SRSF6: variants seen among roughly 807,000 people sequenced by gnomAD.
The protein encoded by SRSF6 is serine/arginine-rich splicing factor 6.
Under a neutral mutation model 42.0 loss-of-function variants are expected in SRSF6, and 17 were observed. The ratio of observed to expected loss-of-function variants is 0.40; its 90% CI spans 0.28 to 0.61. The LOEUF is 0.61. SRSF6 is among the 20% of genes least tolerant of loss of function. The pLI is 0.37. For missense variants in SRSF6, 379 were observed against 471.4 expected (o/e 0.80, Z 1.81); for synonymous variants, 204 against 166.7 (o/e 1.22, Z -1.72).
chr20:43,463,438 C>A lies in SRSF6; in HGVS notation c.*2375C>A, dbSNP rs1302354166. 6.5e-6 allele frequency: 1 copy of A among 154,408 alleles called. No homozygotes were observed. Among genetic ancestry groups the A allele is most frequent in the Non-Finnish European group, 1.5e-5 (1 of 68,208 alleles). 9.6% of individuals were successfully genotyped at this position (154,408 alleles called of 1,614,324 possible). A position where few individuals can be genotyped will look rare whatever the true frequency, so the allele number is the denominator to read the frequency against. ...AAAGAAGTGAGAACATCTTGATTCC[C>A]CTTTCTTTTACTTGATGGTGTTTAT... On this transcript the variant is annotated 3_prime_UTR_variant, in exon 6 of 6. Transcript: ENST00000244020.
chr20:43,459,459 A>T, intron 2 of SRSF6: 1 of 1,249,672 alleles, frequency 8.0e-7, no homozygotes, highest in Non-Finnish European at 1.0e-6. Context: ...ATTTTTGTAA[A>T]ATGTAGAAAT....
chr20:43,460,620 C>G (rs542038867), intron 5 of SRSF6, 22 bp downstream of exon 5: 2 of 1,613,894 alleles, frequency 1.2e-6, no homozygotes, highest in East Asian at 2.2e-5. Context: ...TGTGTTGAGT[C>G]ACTGTGAATA....
At chr20:43,459,102 G>T (rs1454062151) in intron 2 of SRSF6, 2 of 1,342,694 alleles carry the variant, frequency 1.5e-6, no homozygotes, top group Non-Finnish European at 2.0e-6. Flanking sequence ...TTAAATTGTT[G>T]CATGTTGAAT....
chr20:43,460,095 G>A lies in SRSF6; in HGVS notation c.444G>A (p.Glu148=). 3 of 1,614,236 alleles carry A rather than the reference G, an allele frequency of 1.9e-6. No homozygotes were observed. The highest frequency in any genetic ancestry group is 2.5e-6 in the Non-Finnish European group (3 of 1,180,044). The change falls in exon 4 of 6, where the codon GAG becomes GAA. Residue 148 remains glutamate, a synonymous_variant. Transcript: ENST00000244020. ...ATGCCCACAAGGAACGAACAAATGA[G>A]GGTGTAATTGAGTTTCGCTCCTACT... ...YADAHKERTN[E]GVIEFRSYSD... is the part of the protein sequence containing the mutation.
chr20:43,462,485 T>C lies in SRSF6; in HGVS notation c.*1422T>C, dbSNP rs1451124887. 6.6e-6 allele frequency: 1 copy of C among 151,922 alleles called. No individual in the cohort carries two copies. Among genetic ancestry groups the C allele is most frequent in the Non-Finnish European group, 1.5e-5 (1 of 67,984 alleles). 9.4% of individuals were successfully genotyped at this position (151,922 alleles called of 1,614,324 possible). A position where few individuals can be genotyped will look rare whatever the true frequency, so the allele number is the denominator to read the frequency against. On this transcript the variant is annotated 3_prime_UTR_variant, in exon 6 of 6. Coordinates refer to ENST00000244020, the MANE Select transcript of SRSF6 (RefSeq NM_006275.6). ...TCAGCTTTAATACCTTTCTAGGAGG[T>C]GTCACAATGTAGGGTACCAAGGGTT...
rs754991117 is a variant in SRSF6 at position 43,458,382 on chromosome 20, G to A, written c.129G>A (p.Glu43=). 26 of 1,560,622 alleles carry A rather than the reference G, an allele frequency of 1.7e-5. No individual in the cohort carries two copies. The highest frequency in any genetic ancestry group is 1.4e-5 in the African/African-American group (1 of 69,950). The change falls in exon 2 of 6, where the codon GAG becomes GAA. Residue 43 remains glutamate (E), a synonymous_variant. Transcript: ENST00000244020. The part of the protein sequence containing the change: ...LKNGYGFVEF[E]DSRDADDAVY... ...CTAGGTACGGCTTCGTGGAGTTCGA[G>A]GACTCCCGCGACGCCGACGACGCCG...
At position 43,463,140 on chromosome 20, in the gene SRSF6, G is replaced by A. The variant is rs2017632751; in HGVS notation, c.*2077G>A. 1 of 153,610 alleles carries A rather than the reference G, an allele frequency of 6.5e-6. No homozygotes were observed. Among genetic ancestry groups the A allele is most frequent in the South Asian group, 2.1e-4 (1 of 4,874 alleles). 9.5% of individuals were successfully genotyped at this position (153,610 alleles called of 1,614,324 possible). On this transcript the variant is annotated 3_prime_UTR_variant, in exon 6 of 6. Coordinates refer to ENST00000244020, the MANE Select transcript of SRSF6 (RefSeq NM_006275.6). ...GGTAATAGACTGGTTTGACTATATT[G>A]TTAGCTGCCACAGTAAGCAGGTCAT... is the stretch of plus-strand genomic sequence containing the variant.
chr20:43,458,165 C>T (rs1271526688), intron 1 of SRSF6, 25 bp downstream of exon 1: 2 of 1,602,566 alleles, frequency 1.2e-6, no homozygotes, highest in South Asian at 1.1e-5. Flanking sequence ...GGCGCCCGCG[C>T]CCAGCGTCCC....
Position 43,458,082 on chromosome 20 carries a change from G to A in SRSF6, c.49G>A (p.Asp17Asn). 2 of 1,613,538 alleles carry A rather than the reference G, an allele frequency of 1.2e-6. No homozygotes were observed. Among genetic ancestry groups the A allele is most frequent in the South Asian group, 2.2e-5 (2 of 91,054 alleles). Residue 17 changes from aspartate to asparagine, a missense_variant, in exon 1 of 6, where the codon GAC becomes AAC. By Grantham distance (23) the Asp-to-Asn change is conservative (BLOSUM62 1). This residue lies in a region of SRSF6 where 117 missense variants were observed against 146.8 expected (regional missense o/e 0.80). Coordinates refer to ENST00000244020, the MANE Select transcript of SRSF6 (RefSeq NM_006275.6). Reference sequence around the variant, plus strand: ...CCTGAGCTACAACGTCCGGGAGAAGGACATCCAGCGCTTTTTCAGTGGCTA... The same window carrying A: ...CCTGAGCTACAACGTCCGGGAGAAGAACATCCAGCGCTTTTTCAGTGGCTA... ...GRLSYNVREK[D>N]IQRFFSGYGR...
intron 2 of SRSF6, among the ~76,000 whole-genome samples, 166 bp downstream of exon 2, chr20:43,458,675 G>A (rs1304709875): frequency 6.6e-6 from 1 of 152,216 alleles, no homozygotes; most frequent in African/African-American, 2.4e-5. Context: ...ATGGGACGCC[G>A]GAGCGCGGGG....
At chr20:43,460,284 C>A in intron 4 of SRSF6, 43 bp downstream of exon 4, 2 of 1,594,882 alleles carry the variant, frequency 1.3e-6, no homozygotes, top group Non-Finnish European at 8.6e-7. Flanking sequence ...CAATATTTGC[C>A]AATAAAAAGG....
chr20:43,458,058 C>A lies in SRSF6; in HGVS notation c.25C>A (p.Leu9Met). 1 of 1,613,268 alleles carries A rather than the reference C, an allele frequency of 6.2e-7. No homozygotes were observed. The highest frequency in any genetic ancestry group is 8.5e-7 in the Non-Finnish European group (1 of 1,179,598). ...CATGCCGCGCGTCTACATAGGACGC[C>A]TGAGCTACAACGTCCGGGAGAAGGA... Reference protein sequence around the residue: MPRVYIGRLSYNVREKDIQ... With the variant: MPRVYIGRMSYNVREKDIQ... Residue 9 changes from leucine to methionine, a missense_variant, in exon 1 of 6, where the codon CTG becomes ATG. By Grantham distance (15) the Leu-to-Met change is conservative (BLOSUM62 2). Transcript: ENST00000244020.
Position 43,459,217 on chromosome 20 carries a change from G to A in SRSF6, c.257-554G>A, listed in dbSNP as rs776429265. On this transcript the variant is annotated intron_variant, in intron 2 of 5. Transcript: ENST00000244020. ...TGACTGCCTTTCCTGATTGGCCTTGGCTTTTCCATACATTGTGTGACCCTT... is the reference window on the plus strand; with the variant it reads ...TGACTGCCTTTCCTGATTGGCCTTGACTTTTCCATACATTGTGTGACCCTT... 2.2e-6 allele frequency: 3 copies of A among 1,352,156 alleles called. No homozygotes were observed. The African/African-American group carries it at 4.4e-5, about 20-fold the overall frequency. 83.8% of individuals were successfully genotyped at this position (1,352,156 alleles called of 1,614,324 possible). A position where few individuals can be genotyped will look rare whatever the true frequency, so the allele number is the denominator to read the frequency against.
rs1201694767 is a variant in SRSF6, at chr20:43,462,787, T to G, written c.*1724T>G. ...TATAGTGCCCCAAAAGGCGGATGCTTCTTCCATTATCTTATTTTCTTTGAT... is the reference window on the plus strand; with the variant it reads ...TATAGTGCCCCAAAAGGCGGATGCTGCTTCCATTATCTTATTTTCTTTGAT... On this transcript the variant is annotated 3_prime_UTR_variant, in exon 6 of 6. Coordinates refer to ENST00000244020, the MANE Select transcript of SRSF6 (RefSeq NM_006275.6). The G allele has an allele frequency of 1.3e-5, 2 of 152,356 alleles. No individual in the cohort carries two copies. The highest frequency in any genetic ancestry group is 2.4e-5 in the African/African-American group (1 of 41,468). The allele number at this position is 152,356 out of a possible 1,614,324, so 9.4% of individuals were successfully genotyped here. A position where few individuals can be genotyped will look rare whatever the true frequency, so the allele number is the denominator to read the frequency against.
At chr20:43,458,291 C>G in intron 1 of SRSF6, 70 bp from the exon 2 acceptor site, 1 of 1,420,556 alleles carries the variant, frequency 7.0e-7, no homozygotes, top group African/African-American at 1.5e-5. Context: ...CGGTGGGGTA[C>G]GGGCGCGCGC....
chr20:43,461,337 G>GTTTTTATTTTTTTTTTTTTTTT lies in SRSF6; in HGVS notation c.*279_*280insATTTTTTTTTTTTTTTTTTTTT, dbSNP rs2017589758. The GTTTTTATTTTTTTTTTTTTTTT allele has an allele frequency of 2.3e-5, 1 of 43,768 alleles. No individual in the cohort carries two copies. The highest frequency in any genetic ancestry group is 8.2e-5 in the African/African-American group (1 of 12,192). 2.7% of individuals were successfully genotyped at this position (43,768 alleles called of 1,614,324 possible). A position where few individuals can be genotyped will look rare whatever the true frequency, so the allele number is the denominator to read the frequency against. On this transcript the variant is annotated 3_prime_UTR_variant, in exon 6 of 6. Transcript: ENST00000244020. ...GTAAAGATTAAGCTCATTTAGTGTT[G>GTTTTTATTTTTTTTTTTTTTTT]TTTTTTTTTTTTTTTTTTTTTTTTT...
rs760419375 is a variant in SRSF6 at position 43,458,451 on chromosome 20, C to T, written c.198C>T (p.Ile66=). ...NGKELCGERV[I]VEHARGPRRD... Reference sequence around the variant, plus strand: ...AGGAGCTCTGCGGCGAGCGCGTGATCGTAGAGCACGCCCGGGGCCCGCGTC... The same window carrying T: ...AGGAGCTCTGCGGCGAGCGCGTGATTGTAGAGCACGCCCGGGGCCCGCGTC... The change falls in exon 2 of 6, where the codon ATC becomes ATT. Residue 66 remains isoleucine, a synonymous_variant. Transcript: ENST00000244020. 45 of 1,528,924 alleles carry T rather than the reference C, an allele frequency of 2.9e-5. No homozygotes were observed. The highest frequency in any genetic ancestry group is 1.9e-4 in the East Asian group (7 of 37,246). The allele number at this position is 1,528,924 out of a possible 1,614,324, so 94.7% of individuals were successfully genotyped here. A position where few individuals can be genotyped will look rare whatever the true frequency, so the allele number is the denominator to read the frequency against.
intron 2 of SRSF6, 96 bp from the exon 3 acceptor site, chr20:43,459,675 C>T: frequency 6.4e-7 from 1 of 1,571,358 alleles, no homozygotes; most frequent in Non-Finnish European, 8.7e-7. Flanking sequence ...AGTCCTACTC[C>T]AGTAAATAAA....
At position 43,458,268 on chromosome 20, in the gene SRSF6, T is replaced by G. The variant is rs142455728; in HGVS notation, c.108-93T>G. 4.8e-3 allele frequency: 6,719 copies of G among 1,397,404 alleles called. 272 individuals are homozygous for G. In the African/African-American group the frequency reaches 0.089, roughly 19 times the overall value. 86.6% of individuals were successfully genotyped at this position (1,397,404 alleles called of 1,614,324 possible). A position where few individuals can be genotyped will look rare whatever the true frequency, so the allele number is the denominator to read the frequency against. On this transcript the variant is annotated intron_variant, in intron 1 of 5. Transcript: ENST00000244020. Reference sequence around the variant, plus strand: ...CCTCAAAGATGGCGACGGCGCGGCGTCGCGGGGGCGCGCGGTGGGGTACGG... The same window carrying G: ...CCTCAAAGATGGCGACGGCGCGGCGGCGCGGGGGCGCGCGGTGGGGTACGG...
Sources: allele counts gnomAD v4.1 joint callset (sites outside exome capture counted in the v4.1 genomes callset), GRCh38; gene constraint gnomAD v4.1.1; regional missense constraint gnomAD v4.1.1; transcripts MANE v1.5; gene names NCBI Gene and HGNC (gene_info 2026-07-23, HGNC 2026-07-21).